Variants in SRGAP2 observed in about 807,000 individuals in gnomAD.
SRGAP2 encodes the protein SLIT-ROBO Rho GTPase-activating protein 2.
SRGAP2 carries 15 observed loss-of-function variants against 57.2 expected under a neutral mutation model. The observed-to-expected ratio is 0.26, with a 90% CI of 0.18 to 0.40. The LOEUF is 0.40. Among genes scored for constraint, SRGAP2 ranks in the 10% least tolerant of loss-of-function variants. The pLI is 1.00. For synonymous variants in SRGAP2, 249 were observed against 248.0 expected (o/e 1.00, Z -0.04); for missense variants, 520 against 669.6 (o/e 0.78, Z 2.47).
intron 13 of SRGAP2, among the ~76,000 whole-genome samples, chr1:206,429,795 T>G (rs1359873186): frequency 6.6e-6 from 1 of 152,012 alleles, no homozygotes; most frequent in Non-Finnish European, 1.5e-5. Context: ...GGAATTGAGG[T>G]ATTGGTGGAT....
chr1:206,240,381 G>A (rs1421384980), intron 2 of SRGAP2, among the ~76,000 whole-genome samples: 2 of 152,042 alleles, frequency 1.3e-5, no homozygotes, highest in African/African-American at 4.8e-5. Context: ...ATTTTGCAGT[G>A]CTTTTGAGCA....
chr1:206,352,571 AC>A (rs1553338400), intron 4 of SRGAP2, among the ~76,000 whole-genome samples: 1 of 103,538 alleles, frequency 9.7e-6, no homozygotes, highest in Non-Finnish European at 1.9e-5. Flanking sequence ...TATCCCATGA[AC>A]CCTCCTTCTC....
intron 10 of SRGAP2, among the ~76,000 whole-genome samples, chr1:206,410,723 C>T (rs1659145453): frequency 6.6e-6 from 1 of 152,124 alleles, no homozygotes; most frequent in Non-Finnish European, 1.5e-5. Context: ...GATCTGCGTC[C>T]TTTTTAAATG....
At chr1:206,341,953 G>A (rs1553335311) in intron 3 of SRGAP2, among the ~76,000 whole-genome samples, 1 of 152,022 alleles carries the variant, frequency 6.6e-6, no homozygotes, top group Non-Finnish European at 1.5e-5. Context: ...AGCCAAGATT[G>A]TGCCACTGTA....
chr1:206,226,422 G>A (rs1195299246), intron 2 of SRGAP2, among the ~76,000 whole-genome samples: 3 of 151,862 alleles, frequency 2.0e-5, no homozygotes, highest in Non-Finnish European at 4.4e-5. Context: ...AGAGTTTTAC[G>A]CCACAGTTTG....
At chr1:206,416,781 C>G (rs1659747170) in intron 11 of SRGAP2, among the ~76,000 whole-genome samples, 1 of 152,130 alleles carries the variant, frequency 6.6e-6, no homozygotes, top group Non-Finnish European at 1.5e-5. Flanking sequence ...CCTCCCTGCC[C>G]CACTAATCTA....
intron 3 of SRGAP2, among the ~76,000 whole-genome samples, chr1:206,314,096 GT>G (rs1463607146): frequency 2.4e-5 from 3 of 125,684 alleles, no homozygotes; most frequent in Non-Finnish European, 3.4e-5. Flanking sequence ...GGGCTTTTTT[GT>G]TTTTTTTGTT....
At position 206,415,183 on chromosome 1, in the gene SRGAP2, G is replaced by A. The variant is rs547694022; in HGVS notation, c.1357-706G>A. ...ACATACGGTCTCTCACTGGGCAGACGAGGGTTGAGAGAGAACAAATCTGAA... is the reference window on the plus strand; with the variant it reads ...ACATACGGTCTCTCACTGGGCAGACAAGGGTTGAGAGAGAACAAATCTGAA... On this transcript the variant is annotated intron_variant, in intron 10 of 22. Coordinates refer to ENST00000573034, the MANE Select transcript of SRGAP2 (RefSeq NM_015326.5). Among the ~76,000 whole-genome samples the A allele has an allele frequency of 4.6e-5, 7 of 152,320 alleles. No individual in the cohort carries two copies. In the South Asian group the frequency reaches 1.5e-3, roughly 32 times the overall value.
At chr1:206,445,231 G>C (rs782464255) in intron 17 of SRGAP2, among the ~76,000 whole-genome samples, 1 of 152,202 alleles carries the variant, frequency 6.6e-6, no homozygotes, top group Admixed American at 6.5e-5. Context: ...ATGCCTGGAC[G>C]GGCAAGGCCC....
chr1:206,380,720 TAC>T (rs1655624144), intron 4 of SRGAP2, among the ~76,000 whole-genome samples: 1 of 99,396 alleles, frequency 1.0e-5, no homozygotes, highest in African/African-American at 4.1e-5. Flanking sequence ...GGAAAAGCTC[TAC>T]AGTCTTCATT....
intron 14 of SRGAP2, among the ~76,000 whole-genome samples, chr1:206,435,665 G>A (rs545702747): frequency 2.9e-4 from 44 of 152,298 alleles, no homozygotes; most frequent in Admixed American, 2.6e-3. Flanking sequence ...GCAGCCACAA[G>A]GCCTGAGTTT....
intron 18 of SRGAP2, among the ~76,000 whole-genome samples, chr1:206,449,290 T>TTTTG (rs1663045347): frequency 4.8e-5 from 7 of 146,842 alleles, no homozygotes; most frequent in Non-Finnish European, 9.1e-5. Flanking sequence ...TGGATGATTT[T>TTTTG]TTTTTTTTTT....
chr1:206,236,973 C>G (rs1427289535), intron 2 of SRGAP2, among the ~76,000 whole-genome samples: 1 of 140,370 alleles, frequency 7.1e-6, no homozygotes, highest in Admixed American at 7.1e-5. Flanking sequence ...ATCCTACAGT[C>G]TCAGCCTCCT....
chr1:206,253,355 A>G, intron 2 of SRGAP2, among the ~76,000 whole-genome samples: 1 of 150,442 alleles, frequency 6.6e-6, no homozygotes, highest in Middle Eastern at 3.4e-3. Flanking sequence ...CCTTTGTGAA[A>G]GAGAGTTCAG....
At chr1:206,321,872 T>G (rs1281945786) in intron 3 of SRGAP2, among the ~76,000 whole-genome samples, 1 of 152,240 alleles carries the variant, frequency 6.6e-6, no homozygotes, top group Non-Finnish European at 1.5e-5. Context: ...TTTCCTTGCC[T>G]TTACTGTGGA....
chr1:206,434,612 CTTA>C (rs1661567968), intron 14 of SRGAP2, among the ~76,000 whole-genome samples: 2 of 152,212 alleles, frequency 1.3e-5, no homozygotes, highest in Non-Finnish European at 2.9e-5. Context: ...AAACCAGCCA[CTTA>C]TTAATGTTTC....
chr1:206,209,358 C>T (rs557519840), intron 2 of SRGAP2, among the ~76,000 whole-genome samples: 1 of 146,886 alleles, frequency 6.8e-6, no homozygotes, highest in Admixed American at 6.7e-5. Context: ...GTCAAATGGA[C>T]TCTAAATGGG....
rs552299234 is a variant in SRGAP2 at position 206,214,971 on chromosome 1, T to G, written c.67+8934T>G. 7 of 151,798 alleles carry G rather than the reference T, an allele frequency of 4.6e-5. No individual in the cohort carries two copies. In the East Asian group the frequency reaches 1.4e-3, roughly 29 times the overall value. 9.4% of individuals were successfully genotyped at this position (151,798 alleles called of 1,614,324 possible). A position where few individuals can be genotyped will look rare whatever the true frequency, so the allele number is the denominator to read the frequency against. On this transcript the variant is annotated intron_variant, in intron 2 of 22. Transcript: ENST00000573034. ...CATTGATCTCATACTGCCTTATGTTTGGAATATTTGTATTTCATTCTTTTT... is the reference window on the plus strand; with the variant it reads ...CATTGATCTCATACTGCCTTATGTTGGGAATATTTGTATTTCATTCTTTTT...
intron 17 of SRGAP2, among the ~76,000 whole-genome samples, chr1:206,440,734 A>G (rs762092391): frequency 9.2e-5 from 14 of 152,136 alleles, no homozygotes; most frequent in Non-Finnish European, 1.6e-4. Flanking sequence ...TTTAGTAGAC[A>G]TGGGGTTTCA....
Sources: gnomAD v4.1 joint callset for allele counts (sites outside exome capture counted in the v4.1 genomes callset) on GRCh38, gnomAD v4.1.1 for gene constraint, MANE v1.5 for transcripts, NCBI Gene and HGNC (gene_info 2026-07-23, HGNC 2026-07-21) for gene names.